Variants in LHX2 observed in about 807,000 individuals in gnomAD.
LHX2 encodes the protein LIM homeobox 2.
Under a neutral mutation model 33.0 loss-of-function variants are expected in LHX2, and 6 were observed. That is an observed-to-expected ratio of 0.18 (90% CI 0.10 to 0.36). The LOEUF (loss-of-function observed/expected upper bound fraction) is 0.36. Ranked by LOEUF, LHX2 falls within the 10% of genes least tolerant of loss-of-function variation. The pLI is 1.00. For missense variants in LHX2, 442 were observed against 586.2 expected, an observed-to-expected ratio of 0.75 and a Z score of 2.54; for synonymous variants, 292 against 253.1, an observed-to-expected ratio of 1.15 and a Z score of -1.46.
At chr9:124,017,225 C>A (rs891591562) in intron 3 of LHX2, among the ~76,000 whole-genome samples, 1 of 152,154 alleles carries the variant, frequency 6.6e-6, no homozygotes, top group African/African-American at 2.4e-5. Flanking sequence ...TTCTCTCCGT[C>A]CTTTCTCTCT....
chr9:124,011,871 C>T lies in LHX2; in HGVS notation c.-478C>T, dbSNP rs1472808491. On this transcript the variant is annotated 5_prime_UTR_variant, in exon 1 of 5. Coordinates refer to ENST00000373615, the MANE Select transcript of LHX2 (RefSeq NM_004789.4). ...GTCGCCTTGGGCTGGGGGCGCACCC[C>T]AGGGAGGGGAGGGGTCCAGGCAGCT... is the stretch of plus-strand genomic sequence containing the variant. The T allele has an allele frequency of 1.3e-5, 2 of 152,302 alleles. No homozygotes were observed. Among genetic ancestry groups the T allele is most frequent in the Non-Finnish European group, 2.9e-5 (2 of 68,118 alleles). The allele number at this position is 152,302 out of a possible 1,614,324, so 9.4% of individuals were successfully genotyped here.
chr9:124,013,777 G>C (rs771332581), intron 1 of LHX2, among the ~76,000 whole-genome samples, 184 bp from the exon 2 acceptor site: 24 of 152,248 alleles, frequency 1.6e-4, no homozygotes, highest in Non-Finnish European at 2.2e-4. Context: ...CCTGGGTTCT[G>C]AACCGCCCAG....
chr9:124,015,879 C>T lies in LHX2; in HGVS notation c.727+354C>T, dbSNP rs927809711. On this transcript the variant is annotated intron_variant, in intron 3 of 4. Coordinates refer to ENST00000373615, the MANE Select transcript of LHX2 (RefSeq NM_004789.4). This position sits in a 1 kb window ranked among gnomAD's most constrained non-coding sequence, Gnocchi z 7.9. ...TGACGCCAAACAGGTTTTGGGTTGG[C>T]GCGGCTGAGGGCCGGGAACTGGGGC... 5.3e-5 allele frequency among the ~76,000 whole-genome samples: 8 copies of T among 152,214 alleles called. No homozygotes were observed. Among genetic ancestry groups the T allele is most frequent in the African/African-American group, 1.7e-4 (7 of 41,458 alleles).
Position 124,016,957 on chromosome 9 carries a change from C to G in LHX2, c.727+1432C>G, listed in dbSNP as rs993166002. 6.6e-6 allele frequency among the ~76,000 whole-genome samples: 1 copy of G among 152,140 alleles called. No individual in the cohort carries two copies. ...CCACTCGGAAGCACCTCGCGGGGCT[C>G]GGCTCCAGGGCACCTGGTGGCTGGG... On this transcript the variant is annotated intron_variant, in intron 3 of 4. Transcript: ENST00000373615. This position sits in a 1 kb window ranked among gnomAD's most constrained non-coding sequence, Gnocchi z 4.4.
chr9:124,023,821 A>T (rs1292261843), intron 4 of LHX2, among the ~76,000 whole-genome samples: 3 of 152,120 alleles, frequency 2.0e-5, no homozygotes, highest in African/African-American at 7.2e-5. Flanking sequence ...GGCCCTGAGG[A>T]AATTCACCTG....
At chr9:124,018,908 G>A (rs748256201) in intron 3 of LHX2, among the ~76,000 whole-genome samples, 1 of 152,128 alleles carries the variant, frequency 6.6e-6, no homozygotes, top group Non-Finnish European at 1.5e-5. Flanking sequence ...CGGCACTCAG[G>A]GCAGGTCCCT....
In LHX2 at chr9:124,012,200, G is replaced by A. The variant is rs1396266272; in HGVS notation, c.-149G>A. The A allele has an allele frequency of 5.3e-6, 4 of 756,788 alleles. No individual in the cohort carries two copies. The highest frequency in any genetic ancestry group is 3.7e-5 in the African/African-American group (2 of 53,888). The allele number at this position is 756,788 out of a possible 1,614,324, so 46.9% of individuals were successfully genotyped here. ...CGCGAGCGCCCGGGGCCCGGAGCCC[G>A]GCCTGGGGGCTCAGCCGAGCTCGGG... On this transcript the variant is annotated 5_prime_UTR_variant, in exon 1 of 5. Transcript: ENST00000373615. The surrounding 1 kb of genome is among the most constrained non-coding windows in gnomAD (Gnocchi z 4.3).
intron 4 of LHX2, among the ~76,000 whole-genome samples, chr9:124,027,593 C>T (rs953301404): frequency 1.3e-5 from 2 of 151,964 alleles, no homozygotes; most frequent in East Asian, 1.9e-4. Context: ...CCGAGGTGGG[C>T]AGATCACAAG....
At chr9:124,020,174 A>G (rs868512659) in intron 3 of LHX2, among the ~76,000 whole-genome samples, 27 of 152,184 alleles carry the variant, frequency 1.8e-4, no homozygotes, top group African/African-American at 6.0e-4. Context: ...CATCTCTAAA[A>G]TGGGAATAGT....
rs543378846 is a variant in LHX2, at chr9:124,029,067, G to A, written c.934-3353G>A. 1.8e-4 allele frequency among the ~76,000 whole-genome samples: 27 copies of A among 152,158 alleles called. No individual in the cohort carries two copies. In the East Asian group the frequency reaches 4.8e-3, roughly 27 times the overall value. On this transcript the variant is annotated intron_variant, in intron 4 of 4. Coordinates refer to ENST00000373615, the MANE Select transcript of LHX2 (RefSeq NM_004789.4). ...GCAGAGGTTGAAATGAGCTGAGATCGTGCCACTGCACTCCAGCCTGGGTGA... is the reference window on the plus strand; with the variant it reads ...GCAGAGGTTGAAATGAGCTGAGATCATGCCACTGCACTCCAGCCTGGGTGA...
At chr9:124,029,810 G>A (rs775904733) in intron 4 of LHX2, among the ~76,000 whole-genome samples, 9 of 152,196 alleles carry the variant, frequency 5.9e-5, no homozygotes, top group Admixed American at 1.3e-4. Context: ...GCAAGGCAGC[G>A]GCACCAAGGC....
chr9:124,032,329 T>C lies in LHX2; in HGVS notation c.934-91T>C. 7.1e-7 allele frequency: 1 copy of C among 1,401,732 alleles called. No homozygotes were observed. The highest frequency in any genetic ancestry group is 1.4e-5 in the South Asian group (1 of 69,070). The allele number at this position is 1,401,732 out of a possible 1,614,324, so 86.8% of individuals were successfully genotyped here. A position where few individuals can be genotyped will look rare whatever the true frequency, so the allele number is the denominator to read the frequency against. ...CCTCTTGGCAAAACACAGATCAGCG[T>C]CCCCAGAGGCAGCAGAGCTCTGAGT... On this transcript the variant is annotated intron_variant, in intron 4 of 4. Transcript: ENST00000373615. This position sits in a 1 kb window ranked among gnomAD's most constrained non-coding sequence, Gnocchi z 4.1.
chr9:124,032,880 G>C lies in LHX2; in HGVS notation c.*173G>C. On this transcript the variant is annotated 3_prime_UTR_variant, in exon 5 of 5. Transcript: ENST00000373615. The surrounding 1 kb of genome is among the most constrained non-coding windows in gnomAD (Gnocchi z 4.1). ...TGCGCCCGGCTAATGCAGCGGTGTG[G>C]ACCGAGGAACAACTTGGAAGATCTA... 3.1e-6 allele frequency: 2 copies of C among 637,004 alleles called. No homozygotes were observed. Among genetic ancestry groups the C allele is most frequent in the Non-Finnish European group, 5.0e-6 (2 of 396,218 alleles). 39.5% of individuals were successfully genotyped at this position (637,004 alleles called of 1,614,324 possible).
chr9:124,032,728 C>A lies in LHX2; in HGVS notation c.*21C>A, dbSNP rs369641402. On this transcript the variant is annotated 3_prime_UTR_variant, in exon 5 of 5. Coordinates refer to ENST00000373615, the MANE Select transcript of LHX2 (RefSeq NM_004789.4). This position sits in a 1 kb window ranked among gnomAD's most constrained non-coding sequence, Gnocchi z 4.1. The stretch of plus-strand genomic sequence containing the variant: ...TCTAATGACTCGCAACCCCTCACCC[C>A]ACAATTTCTTTAAAAAAGAAATTAT... The A allele has an allele frequency of 7.9e-6, 12 of 1,525,776 alleles. No homozygotes were observed. The African/African-American group carries it at 1.7e-4, about 21-fold the overall frequency. 94.5% of individuals were successfully genotyped at this position (1,525,776 alleles called of 1,614,324 possible).
Position 124,012,664 on chromosome 9 carries a change from G to A in LHX2, c.120+196G>A, listed in dbSNP as rs1053369629. Among the ~76,000 whole-genome samples the A allele has an allele frequency of 1.3e-5, 2 of 152,248 alleles. No homozygotes were observed. The highest frequency in any genetic ancestry group is 2.9e-5 in the Non-Finnish European group (2 of 68,032). On this transcript the variant is annotated intron_variant, in intron 1 of 4. Coordinates refer to ENST00000373615, the MANE Select transcript of LHX2 (RefSeq NM_004789.4). This position sits in a 1 kb window ranked among gnomAD's most constrained non-coding sequence, Gnocchi z 4.3. Reference sequence around the variant, plus strand: ...TGCTGGGACGCAGAAGGGAAACAAGGTTGAAACCGAAATCTCGGCCCTGGG... The same window carrying A: ...TGCTGGGACGCAGAAGGGAAACAAGATTGAAACCGAAATCTCGGCCCTGGG...
At chr9:124,021,049 TG>T in intron 3 of LHX2, 49 bp from the exon 4 acceptor site, 5 of 1,570,058 alleles carry the variant, frequency 3.2e-6, no homozygotes, top group Non-Finnish European at 1.8e-6. Flanking sequence ...GGATTTGGCA[TG>T]GGGGGCGGGT....
Position 124,012,425 on chromosome 9 carries a change from C to A in LHX2, c.77C>A (p.Ala26Asp). 6.5e-7 allele frequency: 1 copy of A among 1,537,874 alleles called. No individual in the cohort carries two copies. Reference sequence around the variant, plus strand: ...ATGGACCGCAGGGCCAAGAGCGAGGCTCCCGCCATCAGCTCCGCCATCGAC... The same window carrying A: ...ATGGACCGCAGGGCCAAGAGCGAGGATCCCGCCATCAGCTCCGCCATCGAC... ...DEMDRRAKSE[A>D]PAISSAIDRG... Residue 26 changes from alanine to aspartate, a missense_variant, in exon 1 of 5, where the codon GCT (alanine) becomes GAT (aspartate). This residue lies in a region of LHX2 where 97 missense variants were observed against 81.5 expected (regional missense o/e 1.19). Coordinates refer to ENST00000373615, the MANE Select transcript of LHX2 (RefSeq NM_004789.4). The surrounding 1 kb of genome is among the most constrained non-coding windows in gnomAD (Gnocchi z 4.3).
At chr9:124,026,844 G>GGTA (rs1828634237) in intron 4 of LHX2, among the ~76,000 whole-genome samples, 1 of 152,200 alleles carries the variant, frequency 6.6e-6, no homozygotes, top group Non-Finnish European at 1.5e-5. Flanking sequence ...TGCTGAAGGA[G>GGTA]GTAGTCAGGG....
At chr9:124,019,229 C>T (rs886741729) in intron 3 of LHX2, among the ~76,000 whole-genome samples, 1 of 152,130 alleles carries the variant, frequency 6.6e-6, no homozygotes, top group African/African-American at 2.4e-5. Flanking sequence ...GGAAAGAGGC[C>T]CCTAGGAGGT....
Sources: allele counts gnomAD v4.1 joint callset (sites outside exome capture counted in the v4.1 genomes callset), GRCh38; gene constraint gnomAD v4.1.1; regional missense constraint gnomAD v4.1.1; non-coding constraint Gnocchi (gnomAD v3.1); transcripts MANE v1.5; gene names NCBI Gene and HGNC (gene_info 2026-07-23, HGNC 2026-07-21).